MOCOS: variants seen among roughly 807,000 people sequenced by gnomAD.
The protein encoded by MOCOS is molybdenum cofactor sulfurase, also known as human molybdenum cofactor sulfurase.
MOCOS carries 86 observed loss-of-function variants against 83.6 expected under a neutral mutation model. The ratio of observed to expected loss-of-function variants is 1.03; its 90% confidence interval spans 0.86 to 1.23. MOCOS has a LOEUF of 1.23. Ranked by LOEUF, MOCOS falls within the 50% of genes most tolerant of loss-of-function variation. The pLI, the probability that MOCOS is intolerant of heterozygous loss-of-function variation, is 0.00. For synonymous variants in MOCOS, 445 were observed against 434.7 expected (o/e 1.02, Z -0.29); for missense variants, 1,120 against 1,126.9 (o/e 0.99, Z 0.09).
chr18:36,245,454 C>T (rs1023206304), intron 9 of MOCOS, among the ~76,000 whole-genome samples: 2 of 152,114 alleles, frequency 1.3e-5, no homozygotes, highest in African/African-American at 4.8e-5. Context: ...AAGATAGGAC[C>T]CCAATCCCTT....
At chr18:36,256,009 C>T (rs1472039352) in intron 11 of MOCOS, among the ~76,000 whole-genome samples, 1 of 151,400 alleles carries the variant, frequency 6.6e-6, no homozygotes, top group Non-Finnish European at 1.5e-5. Flanking sequence ...CCTCCTGCCT[C>T]AGCCTCCTGA....
intron 9 of MOCOS, among the ~76,000 whole-genome samples, chr18:36,244,146 CT>C (rs981989768): frequency 1.3e-5 from 2 of 149,952 alleles, no homozygotes; most frequent in Non-Finnish European, 3.0e-5. Context: ...TTTGTTATTT[CT>C]TTTTTTTTCT....
chr18:36,252,552 T>A (rs146877411), intron 11 of MOCOS, among the ~76,000 whole-genome samples: 3,848 of 152,056 alleles, frequency 0.025, 159 homozygotes, highest in African/African-American at 0.088. Flanking sequence ...AGCGAGACTC[T>A]GTCTCAAAAA....
At chr18:36,253,405 C>T (rs751763935) in intron 11 of MOCOS, among the ~76,000 whole-genome samples, 3 of 152,146 alleles carry the variant, frequency 2.0e-5, no homozygotes, top group African/African-American at 4.8e-5. Flanking sequence ...CGGTGGCTCA[C>T]GCCTGTAGTC....
intron 9 of MOCOS, among the ~76,000 whole-genome samples, chr18:36,236,419 T>G (rs1385503352): frequency 1.1e-4 from 13 of 118,100 alleles, no homozygotes; most frequent in Middle Eastern, 3.8e-3. Context: ...TTTTCTCAGG[T>G]TTGTCAAAGA....
At chr18:36,241,127 G>A (rs2091580992) in intron 9 of MOCOS, among the ~76,000 whole-genome samples, 1 of 152,144 alleles carries the variant, frequency 6.6e-6, no homozygotes, top group African/African-American at 2.4e-5. Flanking sequence ...GTAGACCGGA[G>A]CTGTTCCTAT....
chr18:36,256,886 A>T, intron 11 of MOCOS, 82 bp from the exon 12 acceptor site: 1 of 1,234,326 alleles, frequency 8.1e-7, no homozygotes, highest in South Asian at 1.2e-5. Flanking sequence ...TCTACCTTTT[A>T]AAAAAATACA....
At position 36,200,332 on chromosome 18, in the gene MOCOS, T is replaced by A. The variant is rs895622999; in HGVS notation, c.941+8T>A. On this transcript the variant is annotated splice_region_variant and intron_variant, in intron 4 of 14. Transcript: ENST00000261326. ...GCAGTCGGTAGCTCAGAGGTAACCT[T>A]GCCACAGGGGAGGGGTCAGAGGAGT... 9.3e-6 allele frequency: 15 copies of A among 1,613,714 alleles called. No individual in the cohort carries two copies. The highest frequency in any genetic ancestry group is 1.3e-5 in the Non-Finnish European group (15 of 1,180,018).
intron 9 of MOCOS, among the ~76,000 whole-genome samples, chr18:36,246,730 C>G (rs2091603555): frequency 6.6e-6 from 1 of 152,228 alleles, no homozygotes; most frequent in African/African-American, 2.4e-5. Flanking sequence ...CTGTTGTTTT[C>G]TCCTTCTTTG....
intron 9 of MOCOS, among the ~76,000 whole-genome samples, chr18:36,224,966 T>C (rs149349061): frequency 7.9e-5 from 12 of 152,320 alleles, no homozygotes; most frequent in African/African-American, 2.9e-4. Context: ...GGCTTTATTT[T>C]GTTCATGTTT....
intron 6 of MOCOS, among the ~76,000 whole-genome samples, chr18:36,209,570 A>G (rs1376375683): frequency 1.3e-5 from 2 of 151,984 alleles, no homozygotes; most frequent in African/African-American, 2.4e-5. Context: ...GCTCCCACTT[A>G]TAAGTGAGAA....
At position 36,210,850 on chromosome 18, in the gene MOCOS, C is replaced by CAA. The variant is rs60856965; in HGVS notation, c.1219-2487_1219-2486dup. The stretch of plus-strand genomic sequence containing the variant: ...TGGGTGACAGAGCAAGACTCTGTCT[C>CAA]AAAAAAAAAAAAAAAAAAAAAAAAA... On this transcript the variant is annotated intron_variant, in intron 6 of 14. Transcript: ENST00000261326. 1.2e-3 allele frequency among the ~76,000 whole-genome samples: 58 copies of CAA among 48,060 alleles called. 4 individuals are homozygous for CAA. Among genetic ancestry groups the CAA allele is most frequent in the African/African-American group, 4.1e-3 (45 of 10,918 alleles). 31.5% of individuals were successfully genotyped at this position (48,060 alleles called of 152,430 possible).
intron 4 of MOCOS, among the ~76,000 whole-genome samples, chr18:36,201,790 T>TG (rs1358937682): frequency 2.0e-5 from 3 of 152,030 alleles, no homozygotes; most frequent in Non-Finnish European, 2.9e-5. Context: ...TGTCCATAGT[T>TG]GGGGGGCTTC....
chr18:36,222,245 A>C (rs540878369), intron 9 of MOCOS, among the ~76,000 whole-genome samples: 33 of 152,244 alleles, frequency 2.2e-4, no homozygotes, highest in Non-Finnish European at 4.3e-4. Context: ...TTGGATAAGT[A>C]CCCAGAAGTG....
At chr18:36,247,798 A>G (rs2091607819) in intron 9 of MOCOS, among the ~76,000 whole-genome samples, 1 of 152,206 alleles carries the variant, frequency 6.6e-6, no homozygotes, top group South Asian at 2.1e-4. Flanking sequence ...GTGTCTGTGA[A>G]TTCTATCAGT....
intron 3 of MOCOS, 117 bp from the exon 4 acceptor site, chr18:36,199,565 GC>G (rs1435958541): frequency 1.3e-6 from 2 of 1,529,424 alleles, no homozygotes; most frequent in Admixed American, 1.7e-5. Flanking sequence ...CGCAGCTGTG[GC>G]AAACCTATCT....
chr18:36,194,166 T>C (rs1277708320), intron 1 of MOCOS, among the ~76,000 whole-genome samples: 1 of 151,400 alleles, frequency 6.6e-6, no homozygotes, highest in Non-Finnish European at 1.5e-5. Flanking sequence ...TTGGTAATGA[T>C]ATGGGATTTC....
intron 9 of MOCOS, among the ~76,000 whole-genome samples, chr18:36,239,302 C>T (rs1200062998): frequency 1.3e-5 from 2 of 150,612 alleles, no homozygotes; most frequent in South Asian, 2.1e-4. Context: ...TTAGCGCTTC[C>T]TTCAGGAGCT....
At chr18:36,232,355 T>C (rs937200761) in intron 9 of MOCOS, among the ~76,000 whole-genome samples, 1 of 152,208 alleles carries the variant, frequency 6.6e-6, no homozygotes, top group East Asian at 1.9e-4. Flanking sequence ...ACAGTAATTG[T>C]ACATATTTAT....
Sources: allele counts gnomAD v4.1 joint callset (sites outside exome capture counted in the v4.1 genomes callset), GRCh38; gene constraint gnomAD v4.1.1; transcripts MANE v1.5; gene names NCBI Gene and HGNC (gene_info 2026-07-23, HGNC 2026-07-21).